ZNF521: variants seen among roughly 807,000 people sequenced by gnomAD.
ZNF521 encodes the protein zinc finger protein 521, also known as LYST-interacting protein 3.
In ZNF521, 14 loss-of-function variants were observed where a neutral mutation model predicts 105.5. The observed-to-expected ratio is 0.13, with a 90% CI of 0.09 to 0.21. ZNF521 has a LOEUF of 0.21. Ranked by LOEUF, ZNF521 falls within the 10% of genes least tolerant of loss-of-function variation. ZNF521 has a pLI of 1.00. For synonymous variants in ZNF521, 635 were observed against 606.0 expected, an observed-to-expected ratio of 1.05 and a Z score of -0.70; for missense variants, 1,233 against 1,629.7, an observed-to-expected ratio of 0.76 and a Z score of 4.19.
chr18:25,338,332 G>T lies in ZNF521; in HGVS notation c.40+12575C>A, dbSNP rs140094109. ...ATTAAGAATAAAGACAACAGAAAAG[G>T]CATAGGAAATGTGAGTTGAAAGTGG... On this transcript the variant is annotated intron_variant, in intron 2 of 7. Transcript: ENST00000361524. Among the ~76,000 whole-genome samples, 658 of 144,778 alleles carry T rather than the reference G, an allele frequency of 4.5e-3. 7 individuals are homozygous for T. The highest frequency in any genetic ancestry group is 0.016 in the African/African-American group (640 of 39,334). The allele number at this position is 144,778 out of a possible 152,430, so 95.0% of individuals were successfully genotyped here.
intron 7 of ZNF521, among the ~76,000 whole-genome samples, chr18:25,075,390 T>C (rs186064956): frequency 1.3e-5 from 2 of 152,342 alleles, no homozygotes; most frequent in East Asian, 3.9e-4. Flanking sequence ...GTCTGCATTG[T>C]GGTGCTTCTC....
intron 3 of ZNF521, among the ~76,000 whole-genome samples, chr18:25,293,730 C>T (rs1281662336): frequency 6.6e-6 from 1 of 152,030 alleles, no homozygotes; most frequent in Non-Finnish European, 1.5e-5. Context: ...ATCAATTTGG[C>T]AATTTATTTC....
chr18:25,065,769 C>T (rs1215306765), intron 7 of ZNF521, among the ~76,000 whole-genome samples: 1 of 152,048 alleles, frequency 6.6e-6, no homozygotes, highest in Non-Finnish European at 1.5e-5. Flanking sequence ...TTTATATGTG[C>T]TCATATCAAG....
At chr18:25,128,761 A>G (rs2034583871) in intron 5 of ZNF521, among the ~76,000 whole-genome samples, 1 of 152,064 alleles carries the variant, frequency 6.6e-6, no homozygotes, top group Non-Finnish European at 1.5e-5. Context: ...TACAAGGTCT[A>G]TATGAGATAA....
chr18:25,201,889 T>C (rs2035999891), intron 4 of ZNF521: 1 of 152,166 alleles, frequency 6.6e-6, no homozygotes, highest in African/African-American at 2.4e-5. Context: ...TTAGAGTCGA[T>C]ATGAAAAGTA....
In ZNF521 at chr18:25,227,237, G is replaced by A; in HGVS notation, c.681C>T (p.Asn227=). 1 of 1,614,148 alleles carries A rather than the reference G, an allele frequency of 6.2e-7. No individual in the cohort carries two copies. The highest frequency in any genetic ancestry group is 8.5e-7 in the Non-Finnish European group (1 of 1,180,022). The part of the protein sequence containing the change: ...LHGHMQVHER[N]KDGSQSGSRM... ...TGGAACCGGACTGAGAGCCGTCCTT[G>A]TTCCTCTCATGAACCTGCATGTGTC... is the stretch of plus-strand genomic sequence containing the variant. The change falls in exon 4 of 8, where the codon AAC becomes AAT. Residue 227 remains asparagine (N), a synonymous_variant. Coordinates refer to ENST00000361524, the MANE Select transcript of ZNF521 (RefSeq NM_015461.3). The surrounding 1 kb of genome is among the most constrained non-coding windows in gnomAD (Gnocchi z 5.7).
In ZNF521 at chr18:25,299,287, G is replaced by A. The variant is rs139994716; in HGVS notation, c.220+22721C>T. Among the ~76,000 whole-genome samples the A allele has an allele frequency of 7.4e-3, 1,127 of 152,298 alleles. 4 individuals carry two copies. Among genetic ancestry groups the A allele is most frequent in the Middle Eastern group, 0.037 (11 of 294 alleles). ...AAGCTAAACTGCTTCCAACATGTTC[G>A]TGCTACAAAGTCCAATGAAGGAGGG... On this transcript the variant is annotated intron_variant, in intron 3 of 7. Coordinates refer to ENST00000361524, the MANE Select transcript of ZNF521 (RefSeq NM_015461.3).
At chr18:25,104,153 T>C (rs958824315) in intron 5 of ZNF521, among the ~76,000 whole-genome samples, 2 of 152,144 alleles carry the variant, frequency 1.3e-5, no homozygotes, top group African/African-American at 4.8e-5. Flanking sequence ...TGGGGCACAA[T>C]AAATTTTTAA....
At position 25,089,707 on chromosome 18, in the gene ZNF521, C is replaced by T. The variant is rs551680721; in HGVS notation, c.3791-127G>A. The T allele has an allele frequency of 3.1e-5, 22 of 701,090 alleles. No homozygotes were observed. In the South Asian group the frequency reaches 3.6e-4, roughly 12 times the overall value. 43.4% of individuals were successfully genotyped at this position (701,090 alleles called of 1,614,324 possible). On this transcript the variant is annotated intron_variant, in intron 6 of 7. Coordinates refer to ENST00000361524, the MANE Select transcript of ZNF521 (RefSeq NM_015461.3). ...CCAGGTGTGACTTACTGCCTGAGAC[C>T]TGGGGAGAGCTGAGTCACATTTGCT...
At chr18:25,194,685 A>G (rs2035874021) in intron 5 of ZNF521, among the ~76,000 whole-genome samples, 1 of 151,704 alleles carries the variant, frequency 6.6e-6, no homozygotes, top group African/African-American at 2.4e-5. Context: ...TTGAAACCAT[A>G]CATATAAAAC....
intron 5 of ZNF521, among the ~76,000 whole-genome samples, chr18:25,139,212 T>TA (rs2034796249): frequency 6.7e-6 from 1 of 149,574 alleles, no homozygotes; most frequent in Non-Finnish European, 1.5e-5. Flanking sequence ...CTACTAAAAA[T>TA]AAAAAAAATT....
At chr18:25,068,825 T>TTCCCC (rs2033141838) in intron 7 of ZNF521, among the ~76,000 whole-genome samples, 1 of 152,208 alleles carries the variant, frequency 6.6e-6, no homozygotes, top group Non-Finnish European at 1.5e-5. Context: ...AAGCATATAC[T>TTCCCC]GTACGTGACT....
chr18:25,170,002 T>A (rs1216145312), intron 5 of ZNF521, among the ~76,000 whole-genome samples: 1 of 152,218 alleles, frequency 6.6e-6, no homozygotes, highest in East Asian at 1.9e-4. Context: ...ATCTAGGGTG[T>A]ATTCTTTCCC....
chr18:25,282,933 G>C (rs1371584456), intron 3 of ZNF521, among the ~76,000 whole-genome samples: 1 of 152,160 alleles, frequency 6.6e-6, no homozygotes, highest in Non-Finnish European at 1.5e-5. Context: ...AATTTTTAGG[G>C]AGCCAGATTC....
intron 5 of ZNF521, among the ~76,000 whole-genome samples, chr18:25,097,205 G>T (rs1424533586): frequency 6.6e-6 from 1 of 152,096 alleles, no homozygotes; most frequent in East Asian, 1.9e-4. Flanking sequence ...AGTATAATTT[G>T]CCATGCACAC....
intron 4 of ZNF521, among the ~76,000 whole-genome samples, chr18:25,211,894 T>C (rs950004657): frequency 1.3e-5 from 2 of 152,356 alleles, no homozygotes; most frequent in Admixed American, 6.5e-5. Flanking sequence ...TACATGTCAG[T>C]AGAGATTCAA....
chr18:25,255,140 T>C (rs1402020050), intron 3 of ZNF521, among the ~76,000 whole-genome samples: 2 of 152,150 alleles, frequency 1.3e-5, no homozygotes, highest in East Asian at 1.9e-4. Context: ...AGCATATGCT[T>C]TTCTTGTTTT....
chr18:25,079,331 C>T (rs1269639021), intron 7 of ZNF521, among the ~76,000 whole-genome samples: 1 of 152,074 alleles, frequency 6.6e-6, no homozygotes, highest in Non-Finnish European at 1.5e-5. Context: ...GTTTTGTGTC[C>T]CTGGCCTCCA....
intron 4 of ZNF521, among the ~76,000 whole-genome samples, chr18:25,207,381 C>T (rs1217311647): frequency 1.3e-5 from 2 of 152,154 alleles, no homozygotes; most frequent in African/African-American, 2.4e-5. Context: ...ATGCTTGCAA[C>T]TCATCGGGGC....
Sources: gnomAD v4.1 joint callset for allele counts (sites outside exome capture counted in the v4.1 genomes callset) on GRCh38, gnomAD v4.1.1 for gene constraint, Gnocchi (gnomAD v3.1) non-coding constraint, MANE v1.5 for transcripts, NCBI Gene and HGNC (gene_info 2026-07-23, HGNC 2026-07-21) for gene names.